The following OSER1 variants were observed in gnomAD, a reference collection of about 807,000 sequenced individuals.
OSER1 encodes the protein oxidative stress-responsive serine-rich protein 1.
In OSER1, 15 loss-of-function variants were observed where a neutral mutation model predicts 26.3. The ratio of observed to expected loss-of-function variants is 0.57; its 90% CI spans 0.38 to 0.88. The LOEUF is 0.88. Among genes scored for constraint, OSER1 ranks in the 40% least tolerant of loss-of-function variants. The pLI is 0.00. For synonymous variants in OSER1, 127 were observed against 128.2 expected, an observed-to-expected ratio of 0.99 and a Z score of 0.07; for missense variants, 313 against 353.9, an observed-to-expected ratio of 0.88 and a Z score of 0.93.
intron 3 of OSER1, among the ~76,000 whole-genome samples, chr20:44,200,830 G>T (rs1296546907): frequency 6.6e-6 from 1 of 152,200 alleles, no homozygotes; most frequent in Non-Finnish European, 1.5e-5. Flanking sequence ...AGACTAGAAA[G>T]ATTATTTCCA....
chr20:44,200,294 C>T (rs1600492198), intron 3 of OSER1, among the ~76,000 whole-genome samples: 1 of 152,184 alleles, frequency 6.6e-6, no homozygotes, highest in East Asian at 1.9e-4. Context: ...CTGACCCTGG[C>T]ACTACCTGCT....
chr20:44,210,976 C>G (rs1600502557), upstream of OSER1: 1 of 152,420 alleles, frequency 6.6e-6, no homozygotes, highest in East Asian at 1.9e-4. Flanking sequence ...AGCACGTGCG[C>G]CTTACGTAAT....
chr20:44,197,557 G>T lies in OSER1; in HGVS notation c.374C>A (p.Ser125Tyr), dbSNP rs372148209. 1 of 1,614,154 alleles carries T rather than the reference G, an allele frequency of 6.2e-7. No individual in the cohort carries two copies. ...PDGSSGLGIS[S>Y]PKEFSAGESS... Reference sequence around the variant, plus strand: ...TTCTCCTGCACTGAACTCTTTAGGGGATGAAATTCCCAGCCCACTGCTGCC... The same window carrying T: ...TTCTCCTGCACTGAACTCTTTAGGGTATGAAATTCCCAGCCCACTGCTGCC... The change falls in exon 4 of 4, where the codon TCC becomes TAC. Residue 125 changes from serine to tyrosine, a missense_variant. Ser to Tyr is a moderately radical substitution (Grantham distance 144). Around this residue, in one of 2 missense-constraint regions of OSER1, gnomAD observed 300 missense variants for 318.3 expected, o/e 0.94. Transcript: ENST00000255174.
chr20:44,202,746 C>A (rs2072996174), intron 3 of OSER1, among the ~76,000 whole-genome samples: 1 of 152,136 alleles, frequency 6.6e-6, no homozygotes, highest in Non-Finnish European at 1.5e-5. Flanking sequence ...AAGTCCCAAT[C>A]TTCTCAAACA....
At chr20:44,205,502 ATCT>A (rs1457660760) in intron 2 of OSER1, among the ~76,000 whole-genome samples, 3 of 152,218 alleles carry the variant, frequency 2.0e-5, no homozygotes, top group South Asian at 4.1e-4. Flanking sequence ...ATCAGCATAA[ATCT>A]TCTCATTTGA....
At chr20:44,201,454 T>C (rs771195943) in intron 3 of OSER1, among the ~76,000 whole-genome samples, 1 of 152,190 alleles carries the variant, frequency 6.6e-6, no homozygotes, top group Non-Finnish European at 1.5e-5. Flanking sequence ...AGAGGTCCTA[T>C]TTACTAATAA....
upstream of OSER1, chr20:44,211,104 A>C (rs909795402): frequency 6.6e-6 from 1 of 152,398 alleles, no homozygotes; most frequent in Non-Finnish European, 1.5e-5. Flanking sequence ...CATTCTTCAC[A>C]GTAGTCCTCT....
At chr20:44,205,939 C>CAAAAAAA (rs3037684) in intron 2 of OSER1, among the ~76,000 whole-genome samples, 1 of 71,714 alleles carries the variant, frequency 1.4e-5, no homozygotes, top group Non-Finnish European at 2.6e-5. Flanking sequence ...GAATCCGTCT[C>CAAAAAAA]AAAAAAAAAA....
chr20:44,208,117 C>T (rs1178979491), intron 1 of OSER1, among the ~76,000 whole-genome samples: 1 of 135,244 alleles, frequency 7.4e-6, no homozygotes, highest in East Asian at 2.3e-4. Context: ...CGCCCCCCCC[C>T]GCCCCCACCC....
chr20:44,207,058 A>G (rs576099599), intron 1 of OSER1, 60 bp from the exon 2 acceptor site: 4 of 769,064 alleles, frequency 5.2e-6, no homozygotes, highest in Non-Finnish European at 8.5e-6. Context: ...TATACCTGTT[A>G]CCATTACTGT....
chr20:44,197,831 A>C (rs1282810918), intron 3 of OSER1, 92 bp from the exon 4 acceptor site: 1 of 755,020 alleles, frequency 1.3e-6, no homozygotes, highest in East Asian at 2.7e-5. Context: ...ACCTTCCCTC[A>C]GCTTTATGAG....
chr20:44,203,109 A>C (rs1374168558), intron 2 of OSER1, 35 bp from the exon 3 acceptor site: 1 of 1,113,624 alleles, frequency 9.0e-7, no homozygotes, highest in Admixed American at 1.7e-5. Context: ...GCTACAAAAA[A>C]CTGTAAAATG....
intron 2 of OSER1, among the ~76,000 whole-genome samples, chr20:44,203,694 T>TAACACACA (rs1555866748): frequency 0.041 from 5,920 of 145,394 alleles, 204 homozygotes; most frequent in East Asian, 0.087. Context: ...CAGACTTTTT[T>TAACACACA]CACACACACA....
intron 3 of OSER1, among the ~76,000 whole-genome samples, chr20:44,198,307 T>C (rs904979529): frequency 2.6e-5 from 4 of 152,170 alleles, no homozygotes; most frequent in African/African-American, 9.7e-5. Flanking sequence ...GGACACACTA[T>C]GTAAGATAAC....
intron 2 of OSER1, among the ~76,000 whole-genome samples, chr20:44,203,734 C>T (rs1179712663): frequency 7.6e-6 from 1 of 131,316 alleles, no homozygotes; most frequent in African/African-American, 3.1e-5. Context: ...ACACACACCC[C>T]TCCTACTATA....
intron 2 of OSER1, among the ~76,000 whole-genome samples, chr20:44,206,539 T>C (rs1034985309): frequency 6.6e-6 from 1 of 152,108 alleles, no homozygotes; most frequent in Non-Finnish European, 1.5e-5. Context: ...TAGTGAAAAA[T>C]ACTGTGATTC....
chr20:44,209,327 T>C (rs2073072736), intron 1 of OSER1, among the ~76,000 whole-genome samples: 1 of 152,248 alleles, frequency 6.6e-6, no homozygotes, highest in Admixed American at 6.5e-5. Context: ...CTCACTTTTT[T>C]TCTCAGTTAT....
chr20:44,203,179 TA>T, intron 2 of OSER1, 105 bp from the exon 3 acceptor site: 1 of 581,530 alleles, frequency 1.7e-6, no homozygotes, highest in Admixed American at 3.0e-5. Flanking sequence ...TTTTTTTTTC[TA>T]GTTTGGGTTT....
rs1356181273 is a variant in OSER1 at position 44,210,677 on chromosome 20, G to C, written c.-42+19C>G. On this transcript the variant is annotated intron_variant, in intron 1 of 3. Transcript: ENST00000255174. ...AGACGCAGTGCTGCGGCCCCTCCCC[G>C]TCACGTCAGGGCACTTACCTCCTCG... is the stretch of plus-strand genomic sequence containing the variant. The C allele has an allele frequency of 6.6e-6, 1 of 152,348 alleles. No homozygotes were observed. The highest frequency in any genetic ancestry group is 1.5e-5 in the Non-Finnish European group (1 of 68,138). 9.4% of individuals were successfully genotyped at this position (152,348 alleles called of 1,614,324 possible). A position where few individuals can be genotyped will look rare whatever the true frequency, so the allele number is the denominator to read the frequency against.
Sources: allele counts gnomAD v4.1 joint callset (sites outside exome capture counted in the v4.1 genomes callset), GRCh38; gene constraint gnomAD v4.1.1; regional missense constraint gnomAD v4.1.1; transcripts MANE v1.5; gene names NCBI Gene and HGNC (gene_info 2026-07-23, HGNC 2026-07-21).